The following OPRK1 variants were observed in gnomAD, a reference collection of about 807,000 sequenced individuals.
OPRK1 encodes kappa-type opioid receptor.
In OPRK1, 15 loss-of-function variants were observed where a neutral mutation model predicts 24.5. The observed-to-expected ratio is 0.61, with a 90% confidence interval of 0.41 to 0.94. The LOEUF is 0.94. Ranked by LOEUF, OPRK1 falls within the 40% of genes least tolerant of loss-of-function variation. The probability of loss-of-function intolerance (pLI) is 0.00; values close to 1 mark genes in which losing one functional copy is unlikely to be tolerated. For synonymous variants in OPRK1, 205 were observed against 198.0 expected, an observed-to-expected ratio of 1.04 and a Z score of -0.30; for missense variants, 479 against 507.3, an observed-to-expected ratio of 0.94 and a Z score of 0.54.
At position 53,229,336 on chromosome 8, in the gene OPRK1, A is replaced by G. The variant is rs138180083; in HGVS notation, c.1104T>C (p.Ala368=). The G allele has an allele frequency of 2.8e-5, 45 of 1,614,066 alleles. No individual in the cohort carries two copies. Among genetic ancestry groups the G allele is most frequent in the Non-Finnish European group, 3.7e-5 (44 of 1,180,032 alleles). ...TCATCCCATCGATGTCCCTCAGGTA[A>G]GCAGGATCCTGAACTGTATTTCGGA... is the stretch of plus-strand genomic sequence containing the variant. ...SRVRNTVQDP[A]YLRDIDGMNK... Residue 368 remains alanine (A), a synonymous_variant, in exon 4 of 4, where the codon GCT becomes GCC. Coordinates refer to ENST00000265572, the MANE Select transcript of OPRK1 (RefSeq NM_000912.5).
At chr8:53,250,304 C>T (rs925356034) in intron 2 of OPRK1, among the ~76,000 whole-genome samples, 4 of 152,186 alleles carry the variant, frequency 2.6e-5, no homozygotes, top group Non-Finnish European at 4.4e-5. Context: ...AAACACCAGT[C>T]TGAGGAGTCC....
In OPRK1 at chr8:53,226,282, A is replaced by C. The variant is rs1437772583; in HGVS notation, c.*3015T>G. 2 of 152,096 alleles carry C rather than the reference A, an allele frequency of 1.3e-5. No homozygotes were observed. The highest frequency in any genetic ancestry group is 6.5e-5 in the Admixed American group (1 of 15,270). 9.4% of individuals were successfully genotyped at this position (152,096 alleles called of 1,614,324 possible). The stretch of plus-strand genomic sequence containing the variant: ...ACTTAAACTCGAAGGATGCTCTTAG[A>C]TTGGTAACTACTCTGAGATACTAAG... On this transcript the variant is annotated 3_prime_UTR_variant, in exon 4 of 4. Transcript: ENST00000265572.
chr8:53,231,907 C>A (rs949253874), intron 3 of OPRK1, among the ~76,000 whole-genome samples: 1 of 152,160 alleles, frequency 6.6e-6, no homozygotes, highest in Non-Finnish European at 1.5e-5. Context: ...TCCTCCCAAA[C>A]AAACTGCCTT....
At chr8:53,234,373 A>G (rs1250367635) in intron 3 of OPRK1, among the ~76,000 whole-genome samples, 1 of 152,102 alleles carries the variant, frequency 6.6e-6, no homozygotes, top group Non-Finnish European at 1.5e-5. Context: ...GAACCAGCAT[A>G]TGTCACCAAT....
chr8:53,225,810 A>T lies in OPRK1; in HGVS notation c.*3487T>A, dbSNP rs1222769548. On this transcript the variant is annotated 3_prime_UTR_variant, in exon 4 of 4. Coordinates refer to ENST00000265572, the MANE Select transcript of OPRK1 (RefSeq NM_000912.5). ...TAATTATCATCTTTTAAAGTACAAGATAAAAATCATATACATTATAGTAAA... is the reference window on the plus strand; with the variant it reads ...TAATTATCATCTTTTAAAGTACAAGTTAAAAATCATATACATTATAGTAAA... The T allele has an allele frequency of 6.5e-6, 1 of 152,674 alleles. No individual in the cohort carries two copies. Among genetic ancestry groups the T allele is most frequent in the South Asian group, 2.1e-4 (1 of 4,830 alleles). The allele number at this position is 152,674 out of a possible 1,614,324, so 9.5% of individuals were successfully genotyped here. A position where few individuals can be genotyped will look rare whatever the true frequency, so the allele number is the denominator to read the frequency against.
At chr8:53,231,810 GAA>G (rs1342789346) in intron 3 of OPRK1, among the ~76,000 whole-genome samples, 4 of 152,194 alleles carry the variant, frequency 2.6e-5, no homozygotes, top group African/African-American at 9.6e-5. Flanking sequence ...AGTTATTATG[GAA>G]AAGTCACCGG....
intron 2 of OPRK1, among the ~76,000 whole-genome samples, chr8:53,249,325 T>G (rs1193044327): frequency 1.3e-5 from 2 of 152,250 alleles, no homozygotes; most frequent in African/African-American, 2.4e-5. Flanking sequence ...CCTAAAATTT[T>G]TAATTAAAAT....
intron 3 of OPRK1, among the ~76,000 whole-genome samples, chr8:53,232,713 C>A (rs1225126333): frequency 6.6e-6 from 1 of 152,164 alleles, no homozygotes; most frequent in Non-Finnish European, 1.5e-5. Context: ...CTTCTGCTGG[C>A]TCCTGTTCCA....
Position 53,229,197 on chromosome 8 carries a change from C to A in OPRK1, c.*100G>T. On this transcript the variant is annotated 3_prime_UTR_variant, in exon 4 of 4. Coordinates refer to ENST00000265572, the MANE Select transcript of OPRK1 (RefSeq NM_000912.5). ...GATCTCTAAAAGTTTATTTTAAATT[C>A]TATCTTTTCATGTCAGACTGCAGTA... is the stretch of plus-strand genomic sequence containing the variant. 1 of 1,373,880 alleles carries A rather than the reference C, an allele frequency of 7.3e-7. No homozygotes were observed. The highest frequency in any genetic ancestry group is 9.9e-7 in the Non-Finnish European group (1 of 1,011,072). 85.1% of individuals were successfully genotyped at this position (1,373,880 alleles called of 1,614,324 possible). A position where few individuals can be genotyped will look rare whatever the true frequency, so the allele number is the denominator to read the frequency against.
chr8:53,245,957 C>A (rs1807217616), intron 2 of OPRK1, among the ~76,000 whole-genome samples: 2 of 152,190 alleles, frequency 1.3e-5, no homozygotes, highest in Non-Finnish European at 2.9e-5. Context: ...GACTTCCTAT[C>A]TTAGCCAGTC....
At chr8:53,241,993 G>T (rs1321012355) in intron 2 of OPRK1, among the ~76,000 whole-genome samples, 1 of 152,244 alleles carries the variant, frequency 6.6e-6, no homozygotes, top group Non-Finnish European at 1.5e-5. Flanking sequence ...AGGGTTATGT[G>T]CAGGGTGAGC....
chr8:53,237,757 C>T (rs1263999273), intron 2 of OPRK1, among the ~76,000 whole-genome samples: 5 of 152,292 alleles, frequency 3.3e-5, no homozygotes, highest in South Asian at 2.1e-4. Flanking sequence ...TTGACTTCCC[C>T]GTATCTTACT....
intron 2 of OPRK1, among the ~76,000 whole-genome samples, chr8:53,243,959 A>C (rs1807173534): frequency 6.6e-6 from 1 of 152,156 alleles, no homozygotes; most frequent in African/African-American, 2.4e-5. Context: ...ATATTATCTA[A>C]GGTAGGCTAT....
chr8:53,249,970 T>C (rs534904538), intron 2 of OPRK1, among the ~76,000 whole-genome samples: 5 of 152,280 alleles, frequency 3.3e-5, no homozygotes, highest in South Asian at 2.1e-4. Context: ...CCTTTTCTTG[T>C]TTTTCTTTCT....
intron 2 of OPRK1, chr8:53,242,658 C>G (rs922097425): frequency 3.4e-6 from 1 of 292,056 alleles, no homozygotes; most frequent in African/African-American, 2.3e-5. Context: ...AGGCGCCCGC[C>G]ACTACGCCCG....
Position 53,250,967 on chromosome 8 carries a change from G to T in OPRK1, c.71C>A (p.Pro24His), listed in dbSNP as rs199919204. Residue 24 changes from proline to histidine, a missense_variant, in exon 2 of 4, where the codon CCC becomes CAC. Pro to His is a moderately conservative substitution (Grantham distance 77, BLOSUM62 -2). Coordinates refer to ENST00000265572, the MANE Select transcript of OPRK1 (RefSeq NM_000912.5). ...GCCGGGAAACCAGGCGCTGCTGTTGGGGGGCAGGCAGGCGCTCGGGGCGCA... is the reference window on the plus strand; with the variant it reads ...GCCGGGAAACCAGGCGCTGCTGTTGTGGGGCAGGCAGGCGCTCGGGGCGCA... The part of the protein sequence containing the change: ...PTCAPSACLP[P>H]NSSAWFPGWA... 1.9e-6 allele frequency: 3 copies of T among 1,606,864 alleles called. No individual in the cohort carries two copies. The highest frequency in any genetic ancestry group is 2.2e-5 in the East Asian group (1 of 44,654).
At chr8:53,234,662 G>A (rs954987688) in intron 3 of OPRK1, 97 bp downstream of exon 3, 3 of 1,092,316 alleles carry the variant, frequency 2.7e-6, no homozygotes, top group African/African-American at 1.6e-5. Context: ...TTTTGGCATC[G>A]ATTTCCACTA....
Position 53,228,963 on chromosome 8 carries a change from C to T in OPRK1, c.*334G>A, listed in dbSNP as rs117197120. On this transcript the variant is annotated 3_prime_UTR_variant, in exon 4 of 4. Transcript: ENST00000265572. ...TTCTTAAACCGAGCTTTTGAAACTACGTTTCATAGGAAGGCCACAGCAGAT... is the reference window on the plus strand; with the variant it reads ...TTCTTAAACCGAGCTTTTGAAACTATGTTTCATAGGAAGGCCACAGCAGAT... 1,158 of 186,278 alleles carry T rather than the reference C, an allele frequency of 6.2e-3. 3 individuals are homozygous for T. The highest frequency in any genetic ancestry group is 9.0e-3 in the Middle Eastern group (4 of 446). The allele number at this position is 186,278 out of a possible 1,614,324, so 11.5% of individuals were successfully genotyped here. A position where few individuals can be genotyped will look rare whatever the true frequency, so the allele number is the denominator to read the frequency against.
chr8:53,243,025 C>G (rs1189000727), intron 2 of OPRK1: 8 of 1,164,422 alleles, frequency 6.9e-6, no homozygotes, highest in East Asian at 1.4e-4. Context: ...ACCAGCACCC[C>G]CTCCAAAGAA....
Sources: allele counts gnomAD v4.1 joint callset (sites outside exome capture counted in the v4.1 genomes callset), GRCh38; gene constraint gnomAD v4.1.1; transcripts MANE v1.5; gene names NCBI Gene and HGNC (gene_info 2026-07-23, HGNC 2026-07-21).